ZFYVE21: variants seen among roughly 807,000 people sequenced by gnomAD.
The protein encoded by ZFYVE21 is zinc finger FYVE-type containing 21.
A neutral mutation model predicts 29.5 loss-of-function variants in ZFYVE21; 21 were observed. The observed-to-expected ratio is 0.71, with a 90% CI of 0.50 to 1.02. ZFYVE21 has a LOEUF of 1.02. ZFYVE21 is among the 50% of genes least tolerant of loss of function. The probability of loss-of-function intolerance (pLI) is 0.00; values close to 1 mark genes in which losing one functional copy is unlikely to be tolerated. For missense variants in ZFYVE21, 326 were observed against 335.4 expected (o/e 0.97, Z 0.22); for synonymous variants, 151 against 133.8 (o/e 1.13, Z -0.89).
At chr14:103,726,705 C>G (rs1412836987) in intron 1 of ZFYVE21, 87 bp from the exon 2 acceptor site, 3 of 1,551,370 alleles carry the variant, frequency 1.9e-6, no homozygotes, top group Admixed American at 1.7e-5. Flanking sequence ...GTGGCAGGGC[C>G]CAGCTTTCTC....
intron 2 of ZFYVE21, chr14:103,727,312 G>A (rs950464738): frequency 3.3e-5 from 12 of 366,496 alleles, no homozygotes; most frequent in Admixed American, 1.1e-4. Context: ...TGATTCTGCC[G>A]GACGCTATGG....
intron 5 of ZFYVE21, chr14:103,731,477 TAC>T (rs1203908742): frequency 6.8e-6 from 1 of 146,792 alleles, no homozygotes; most frequent in Non-Finnish European, 1.5e-5. Flanking sequence ...GGCGTAGAGG[TAC>T]ACGCCTGTAA....
chr14:103,727,625 C>T, intron 2 of ZFYVE21, 121 bp from the exon 3 acceptor site: 3 of 1,313,194 alleles, frequency 2.3e-6, no homozygotes, highest in Admixed American at 1.9e-5. Context: ...GCGTGTGCAG[C>T]GGCCGGCACA....
At chr14:103,732,876 C>T in intron 6 of ZFYVE21, 107 bp from the exon 7 acceptor site, 3 of 1,602,702 alleles carry the variant, frequency 1.9e-6, no homozygotes, top group Non-Finnish European at 2.6e-6. Flanking sequence ...ACCTGTTCCC[C>T]CTCAGCTGGG....
intron 1 of ZFYVE21, chr14:103,726,218 G>A (rs2083922732): frequency 6.6e-6 from 1 of 152,344 alleles, no homozygotes; most frequent in Non-Finnish European, 1.5e-5. Flanking sequence ...ACGCACGCCA[G>A]GACTCCAAGT....
At chr14:103,730,250 TTC>T (rs1373477461) in intron 5 of ZFYVE21, 1 of 211,786 alleles carries the variant, frequency 4.7e-6, no homozygotes, top group Non-Finnish European at 9.5e-6. Context: ...CTCCTGGCAC[TTC>T]TGTCAGCCTC....
chr14:103,732,875 C>T lies in ZFYVE21; in HGVS notation c.670-108C>T. On this transcript the variant is annotated intron_variant, in intron 6 of 6. Coordinates refer to ENST00000311141, the MANE Select transcript of ZFYVE21 (RefSeq NM_024071.4). ...GCCCCCTATCCCCACAACCTGTTCC[C>T]CCTCAGCTGGGGTGCCCACGCCATC... 5.0e-6 allele frequency: 8 copies of T among 1,602,520 alleles called. No homozygotes were observed. The South Asian group carries it at 8.9e-5, about 18-fold the overall frequency.
At chr14:103,732,420 C>A in intron 5 of ZFYVE21, 200 bp from the exon 6 acceptor site, 1 of 529,046 alleles carries the variant, frequency 1.9e-6, no homozygotes, top group Non-Finnish European at 3.0e-6. Context: ...CCTCTCCCAC[C>A]CCACCTGTGA....
At chr14:103,724,189 C>A (rs575187266) in intron 1 of ZFYVE21, among the ~76,000 whole-genome samples, 1 of 152,232 alleles carries the variant, frequency 6.6e-6, no homozygotes, top group South Asian at 2.1e-4. Flanking sequence ...GTCCCCACCC[C>A]AGCTCAGACC....
In ZFYVE21 at chr14:103,733,063, G is replaced by A. The variant is rs2084001735; in HGVS notation, c.*45G>A. On this transcript the variant is annotated 3_prime_UTR_variant, in exon 7 of 7. Coordinates refer to ENST00000311141, the MANE Select transcript of ZFYVE21 (RefSeq NM_024071.4). ...TGGAGTACGTGTGGTCACCAGGACT[G>A]AGTCGCTTGGAACAGCAGAGCCTGC... 1.9e-6 allele frequency: 3 copies of A among 1,613,518 alleles called. No homozygotes were observed. The highest frequency in any genetic ancestry group is 1.7e-6 in the Non-Finnish European group (2 of 1,179,622).
chr14:103,731,822 C>T (rs1433010423), intron 5 of ZFYVE21: 2 of 152,250 alleles, frequency 1.3e-5, no homozygotes, highest in Non-Finnish European at 2.9e-5. Flanking sequence ...GGCTTCCCTC[C>T]CAAGTCATCA....
rs1178336188 is a variant in ZFYVE21 at position 103,716,041 on chromosome 14, C to G, written c.138+62C>G. 1 of 1,174,834 alleles carries G rather than the reference C, an allele frequency of 8.5e-7. No homozygotes were observed. 72.8% of individuals were successfully genotyped at this position (1,174,834 alleles called of 1,614,324 possible). A position where few individuals can be genotyped will look rare whatever the true frequency, so the allele number is the denominator to read the frequency against. ...GCCCCGCCGCCCCGGCCCGGCCCCG[C>G]GGGCTTCCAGGCTCCCGCGACGACC... On this transcript the variant is annotated intron_variant, in intron 1 of 6. Coordinates refer to ENST00000311141, the MANE Select transcript of ZFYVE21 (RefSeq NM_024071.4). The surrounding 1 kb of genome is among the most constrained non-coding windows in gnomAD (Gnocchi z 4.8).
At chr14:103,730,237 A>G in intron 5 of ZFYVE21, 1 of 215,400 alleles carries the variant, frequency 4.6e-6, no homozygotes, top group Non-Finnish European at 9.2e-6. Flanking sequence ...GGGACCCCTG[A>G]CTCTCCTGGC....
At chr14:103,726,697 G>A in intron 1 of ZFYVE21, 95 bp from the exon 2 acceptor site, 3 of 1,499,636 alleles carry the variant, frequency 2.0e-6, no homozygotes, top group South Asian at 1.1e-5. Context: ...GTGGGGAGGT[G>A]GCAGGGCCCA....
chr14:103,718,039 G>C (rs560923876), intron 1 of ZFYVE21, among the ~76,000 whole-genome samples: 238 of 152,348 alleles, frequency 1.6e-3, no homozygotes, highest in African/African-American at 5.0e-3. Context: ...GAGCTACACT[G>C]TGCTGGCTGC....
At chr14:103,726,183 T>A (rs1009258777) in intron 1 of ZFYVE21, 4 of 152,248 alleles carry the variant, frequency 2.6e-5, no homozygotes, top group African/African-American at 9.7e-5. Context: ...CTTCCAGGGG[T>A]TCCCTCACAG....
intron 2 of ZFYVE21, 105 bp downstream of exon 2, chr14:103,726,947 C>CGTTTTTTTTT: frequency 5.9e-6 from 4 of 679,948 alleles, no homozygotes; most frequent in Admixed American, 4.0e-5. Context: ...TCTTATGGCT[C>CGTTTTTTTTT]GTTTTTTTTT....
chr14:103,726,379 CT>C (rs2151952090), intron 1 of ZFYVE21: 1 of 162,110 alleles, frequency 6.2e-6, no homozygotes, highest in South Asian at 1.7e-4. Context: ...TTGGCTCTTG[CT>C]GTGGATTTCC....
At chr14:103,725,868 T>G (rs2083918793) in intron 1 of ZFYVE21, 1 of 152,290 alleles carries the variant, frequency 6.6e-6, no homozygotes, top group Non-Finnish European at 1.5e-5. Flanking sequence ...GCCATGGGGC[T>G]TCAGGCCTGC....
Sources: allele counts gnomAD v4.1 joint callset (sites outside exome capture counted in the v4.1 genomes callset), GRCh38; gene constraint gnomAD v4.1.1; non-coding constraint Gnocchi (gnomAD v3.1); transcripts MANE v1.5; gene names NCBI Gene and HGNC (gene_info 2026-07-23, HGNC 2026-07-21).